Variants in MUCL1 observed in about 807,000 individuals in gnomAD.
The protein encoded by MUCL1 is mucin like 1.
In MUCL1, 11 loss-of-function variants were observed where a neutral mutation model predicts 9.2. That is an observed-to-expected ratio of 1.19 (90% CI 0.75 to 1.97). The LOEUF is 1.97. Among genes scored for constraint, MUCL1 ranks in the 30% most tolerant of loss-of-function variants. The pLI, the probability that MUCL1 is intolerant of heterozygous loss-of-function variation, is 0.00. For synonymous variants in MUCL1, 48 were observed against 40.5 expected (o/e 1.19, Z -0.71); for missense variants, 144 against 110.9 (o/e 1.30, Z -1.34).
intron 1 of MUCL1, among the ~76,000 whole-genome samples, chr12:54,832,503 G>A (rs1463459802): frequency 2.0e-5 from 3 of 152,066 alleles, no homozygotes; most frequent in Non-Finnish European, 4.4e-5. Context: ...TTACAACTAT[G>A]TAAGCTTCTG....
chr12:54,843,211 T>C (rs760939654), intron 1 of MUCL1, among the ~76,000 whole-genome samples: 20 of 152,234 alleles, frequency 1.3e-4, no homozygotes, highest in Non-Finnish European at 2.5e-4. Context: ...ATGGTATCTA[T>C]TGTTGTCCCA....
chr12:54,854,466 T>A (rs1868284159), upstream of MUCL1: 2 of 742,902 alleles, frequency 2.7e-6, no homozygotes, highest in Non-Finnish European at 4.5e-6. Flanking sequence ...TGACAGCTCC[T>A]GATTGGTGCC....
upstream of MUCL1, among the ~76,000 whole-genome samples, chr12:54,836,092 T>C (rs1030864102): frequency 6.6e-6 from 1 of 152,152 alleles, no homozygotes; most frequent in Non-Finnish European, 1.5e-5. Context: ...GGCATACTGG[T>C]TTCACAGAAT....
chr12:54,852,994 T>C (rs920009841), upstream of MUCL1, among the ~76,000 whole-genome samples: 1 of 152,184 alleles, frequency 6.6e-6, no homozygotes, highest in Non-Finnish European at 1.5e-5. Context: ...GACTTGTCTT[T>C]CCGAGGTTGA....
chr12:54,838,693 T>A (rs921903909), upstream of MUCL1, among the ~76,000 whole-genome samples: 1 of 152,182 alleles, frequency 6.6e-6, no homozygotes, highest in East Asian at 1.9e-4. Context: ...TCCAAAATTC[T>A]TCTTGGTCTA....
intron 1 of MUCL1, among the ~76,000 whole-genome samples, chr12:54,833,971 T>TA (rs11476066): frequency 6.6e-6 from 1 of 151,686 alleles, no homozygotes; most frequent in African/African-American, 2.4e-5. Flanking sequence ...TAAAGTATAA[T>TA]AAAAAAAAGT....
chr12:54,856,946 G>A, intron 3 of MUCL1, 54 bp downstream of exon 3: 1 of 1,610,204 alleles, frequency 6.2e-7, no homozygotes. Context: ...TTGATTCCTT[G>A]GGTTCTCTAT....
intron 1 of MUCL1, among the ~76,000 whole-genome samples, chr12:54,847,636 C>T (rs1372598636): frequency 6.6e-6 from 1 of 151,928 alleles, no homozygotes; most frequent in Non-Finnish European, 1.5e-5. Context: ...AACAACAAAA[C>T]AAAACACAAA....
At chr12:54,849,609 A>C (rs913495773), upstream of MUCL1, among the ~76,000 whole-genome samples, 6 of 152,104 alleles carry the variant, frequency 3.9e-5, no homozygotes, top group African/African-American at 1.4e-4. Flanking sequence ...TACATACAAT[A>C]TATGATTTTA....
intron 3 of MUCL1, 100 bp downstream of exon 3, chr12:54,856,992 CTCT>C: frequency 6.6e-7 from 1 of 1,509,332 alleles, no homozygotes; most frequent in Non-Finnish European, 9.0e-7. Flanking sequence ...TCAGGGAGAC[CTCT>C]TCTTTACATT....
intron 2 of MUCL1, 21 bp downstream of exon 2, chr12:54,855,178 C>A: frequency 6.2e-7 from 1 of 1,609,606 alleles, no homozygotes; most frequent in Non-Finnish European, 8.5e-7. Context: ...ACTTGAATGT[C>A]ATCTCTTTCC....
At chr12:54,854,955 T>A (rs10783684) in intron 1 of MUCL1, among the ~76,000 whole-genome samples, 161 bp from the exon 2 acceptor site, 4 of 152,002 alleles carry the variant, frequency 2.6e-5, no homozygotes, top group Admixed American at 6.6e-5. Context: ...TTGGTTTTCA[T>A]GGGTTTTATC....
At chr12:54,843,506 G>A (rs928541349) in intron 1 of MUCL1, among the ~76,000 whole-genome samples, 6 of 152,182 alleles carry the variant, frequency 3.9e-5, no homozygotes, top group African/African-American at 1.2e-4. Flanking sequence ...GATTAAGGTC[G>A]CAGATGAAGT....
chr12:54,836,524 G>T (rs1959193272), upstream of MUCL1, among the ~76,000 whole-genome samples: 1 of 151,960 alleles, frequency 6.6e-6, no homozygotes, highest in African/African-American at 2.4e-5. Context: ...TGTTTATCTT[G>T]TCAAAGAAAC....
In MUCL1 at chr12:54,855,177, T is replaced by C. The variant is rs774979537; in HGVS notation, c.100+20T>C. 1.9e-6 allele frequency: 3 copies of C among 1,610,584 alleles called. No individual in the cohort carries two copies. Among genetic ancestry groups the C allele is most frequent in the African/African-American group, 1.3e-5 (1 of 74,836 alleles). ...CAGCTAGTGAGTCTGCACTTGAATG[T>C]CATCTCTTTCCAGCAATAACCATTT... is the stretch of plus-strand genomic sequence containing the variant. On this transcript the variant is annotated intron_variant, in intron 2 of 3. Transcript: ENST00000308796.
Position 54,855,741 on chromosome 12 carries a change from T to C in MUCL1, c.100+584T>C, listed in dbSNP as rs375212212. On this transcript the variant is annotated intron_variant, in intron 2 of 3. Transcript: ENST00000308796. Reference sequence around the variant, plus strand: ...CATTCTTGGGCTTCTCCCAAAGTGTTCTTCACATTCTGTACTGTGTGTGTG... The same window carrying C: ...CATTCTTGGGCTTCTCCCAAAGTGTCCTTCACATTCTGTACTGTGTGTGTG... Among the ~76,000 whole-genome samples, 7 of 152,350 alleles carry C rather than the reference T, an allele frequency of 4.6e-5. No homozygotes were observed. In the South Asian group the frequency reaches 6.2e-4, roughly 14 times the overall value.
At chr12:54,846,381 C>T (rs930894793) in intron 1 of MUCL1, among the ~76,000 whole-genome samples, 18 of 152,166 alleles carry the variant, frequency 1.2e-4, no homozygotes, top group Non-Finnish European at 2.1e-4. Flanking sequence ...ACTGAAGGAG[C>T]GAGCCACATC....
chr12:54,855,695 T>C (rs1732191830), intron 2 of MUCL1, among the ~76,000 whole-genome samples: 1 of 152,196 alleles, frequency 6.6e-6, no homozygotes, highest in Non-Finnish European at 1.5e-5. Flanking sequence ...AAAACGAAGG[T>C]GGTAGACCAA....
In MUCL1 at chr12:54,856,692, G is replaced by A. The variant is rs929557576; in HGVS notation, c.101-78G>A. The A allele has an allele frequency of 2.6e-6, 4 of 1,531,010 alleles. No individual in the cohort carries two copies. The South Asian group carries it at 3.6e-5, about 14-fold the overall frequency. 94.8% of individuals were successfully genotyped at this position (1,531,010 alleles called of 1,614,324 possible). On this transcript the variant is annotated intron_variant, in intron 2 of 3. Transcript: ENST00000308796. ...CAGAGATGAATTCAGGATGAGGAAT[G>A]TATGTCTACCCCTGGGTGGGATAAA...
Sources: gnomAD v4.1 joint callset for allele counts (sites outside exome capture counted in the v4.1 genomes callset) on GRCh38, gnomAD v4.1.1 for gene constraint, MANE v1.5 for transcripts, NCBI Gene and HGNC (gene_info 2026-07-23, HGNC 2026-07-21) for gene names.